NEMP2: variants seen among roughly 807,000 people sequenced by gnomAD.
The protein encoded by NEMP2 is nuclear envelope integral membrane protein 2.
NEMP2 carries 53 observed loss-of-function variants against 54.2 expected under a neutral mutation model. The observed-to-expected ratio is 0.98, with a 90% CI of 0.78 to 1.23. The LOEUF is 1.23. Ranked by LOEUF, NEMP2 falls within the 50% of genes most tolerant of loss-of-function variation. The pLI is 0.00. For synonymous variants in NEMP2, 197 were observed against 190.3 expected, an observed-to-expected ratio of 1.04 and a Z score of -0.29; for missense variants, 455 against 511.3, an observed-to-expected ratio of 0.89 and a Z score of 1.06.
At chr2:190,437,070 C>G in the NEMP2 span, 1 of 1,614,130 alleles carries the variant, frequency 6.2e-7, no homozygotes, top group Non-Finnish European at 8.5e-7. The surrounding 1 kb of genome is among the most constrained non-coding windows in gnomAD (Gnocchi z 5.9). Flanking sequence ...TCGGGATCGA[C>G]TACACCCACA....
At chr2:190,540,452 A>G in the NEMP2 span, among the ~76,000 whole-genome samples, 11 of 151,920 alleles carry the variant, frequency 7.2e-5, no homozygotes, top group African/African-American at 2.7e-4. Flanking sequence ...CCCAGATAAT[A>G]TATTTTACTT....
the NEMP2 span, among the ~76,000 whole-genome samples, chr2:190,479,913 A>G: frequency 6.6e-6 from 1 of 152,172 alleles, no homozygotes; most frequent in East Asian, 1.9e-4. Context: ...ATAAAGCGTT[A>G]TTCTGTTTGT....
chr2:190,544,369 T>C, the NEMP2 span, among the ~76,000 whole-genome samples: 2 of 152,164 alleles, frequency 1.3e-5, no homozygotes, highest in African/African-American at 4.8e-5. Flanking sequence ...AGAATAAATA[T>C]AATTTATTAA....
chr2:190,623,156 G>GA, the NEMP2 span, among the ~76,000 whole-genome samples: 1 of 152,040 alleles, frequency 6.6e-6, no homozygotes, highest in Non-Finnish European at 1.5e-5. Flanking sequence ...AAGTACTTAT[G>GA]AAAAAATTGA....
chr2:190,484,305 A>G, the NEMP2 span, among the ~76,000 whole-genome samples: 1 of 152,194 alleles, frequency 6.6e-6, no homozygotes, highest in African/African-American at 2.4e-5. Flanking sequence ...TTGTAATTCT[A>G]GTGTAAACAC....
chr2:190,560,648 C>T, the NEMP2 span, among the ~76,000 whole-genome samples: 1 of 152,174 alleles, frequency 6.6e-6, no homozygotes, highest in Non-Finnish European at 1.5e-5. The surrounding 1 kb of genome is among the most constrained non-coding windows in gnomAD (Gnocchi z 5.4). Flanking sequence ...TTTACCTCAA[C>T]AAATATTTAT....
At chr2:190,437,331 C>T in the NEMP2 span, 2 of 1,614,248 alleles carry the variant, frequency 1.2e-6, no homozygotes, top group Non-Finnish European at 1.7e-6. The surrounding 1 kb of genome is among the most constrained non-coding windows in gnomAD (Gnocchi z 5.9). Flanking sequence ...AGGCCTTCAA[C>T]TTTTGGGACT....
At chr2:190,535,339 A>G (rs1404592824), upstream of NEMP2, among the ~76,000 whole-genome samples, 2 of 152,202 alleles carry the variant, frequency 1.3e-5, no homozygotes, top group Non-Finnish European at 2.9e-5. Context: ...GGCTCGTAAA[A>G]TGTTCCTTCA....
chr2:190,518,731 C>T lies in NEMP2; in HGVS notation c.518+5G>A, dbSNP rs1395962610. ...AAAGTTAAAAATATAAAAAGGAATA[C>T]TTACTGACTCAGGGTCCTTGCATAA... On this transcript the variant is annotated splice_donor_5th_base_variant and intron_variant, in intron 4 of 8. Transcript: ENST00000409150. 1 of 1,526,270 alleles carries T rather than the reference C, an allele frequency of 6.6e-7. No individual in the cohort carries two copies. Among genetic ancestry groups the T allele is most frequent in the East Asian group, 2.5e-5 (1 of 40,716 alleles). The allele number at this position is 1,526,270 out of a possible 1,614,324, so 94.5% of individuals were successfully genotyped here. A position where few individuals can be genotyped will look rare whatever the true frequency, so the allele number is the denominator to read the frequency against.
the NEMP2 span, among the ~76,000 whole-genome samples, chr2:190,554,149 C>A: frequency 6.6e-6 from 1 of 152,196 alleles, no homozygotes; most frequent in Admixed American, 6.5e-5. This position sits in a 1 kb window ranked among gnomAD's most constrained non-coding sequence, Gnocchi z 5.7. Flanking sequence ...TCCCACAGTC[C>A]TCACAACCCA....
chr2:190,647,125 A>G, the NEMP2 span, among the ~76,000 whole-genome samples: 1 of 152,168 alleles, frequency 6.6e-6, no homozygotes, highest in African/African-American at 2.4e-5. Flanking sequence ...ACAATTAGGG[A>G]GACTAAGAGA....
chr2:190,621,601 T>A, the NEMP2 span, among the ~76,000 whole-genome samples: 1 of 152,076 alleles, frequency 6.6e-6, no homozygotes, highest in Non-Finnish European at 1.5e-5. Context: ...CTTTGGGTTT[T>A]TTTTTTTGCA....
chr2:190,634,354 C>T, the NEMP2 span, among the ~76,000 whole-genome samples: 1 of 152,062 alleles, frequency 6.6e-6, no homozygotes, highest in East Asian at 1.9e-4. The surrounding 1 kb of genome is among the most constrained non-coding windows in gnomAD (Gnocchi z 6.8). Context: ...TTTATTTTAA[C>T]CATATTACAT....
chr2:190,508,021 C>T lies in NEMP2; in HGVS notation c.*1168G>A, dbSNP rs1054420145. ...TGGCCTTCTTTCCTCAGGGTCAAAG[C>T]TCATAGCCCCTCATTTCAATCTGGA... On this transcript the variant is annotated 3_prime_UTR_variant, in exon 9 of 9. Coordinates refer to ENST00000409150, the MANE Select transcript of NEMP2 (RefSeq NM_001142645.2). The surrounding 1 kb of genome is among the most constrained non-coding windows in gnomAD (Gnocchi z 4.3). 6.6e-6 allele frequency: 1 copy of T among 152,160 alleles called. No individual in the cohort carries two copies. Among genetic ancestry groups the T allele is most frequent in the Admixed American group, 6.5e-5 (1 of 15,280 alleles). 9.4% of individuals were successfully genotyped at this position (152,160 alleles called of 1,614,324 possible).
At chr2:190,608,692 T>A in the NEMP2 span, 2 of 152,162 alleles carry the variant, frequency 1.3e-5, no homozygotes, top group Non-Finnish European at 2.9e-5. The surrounding 1 kb of genome is among the most constrained non-coding windows in gnomAD (Gnocchi z 4.9). Context: ...AGGTTTGGAC[T>A]GAAAAATATA....
the NEMP2 span, among the ~76,000 whole-genome samples, chr2:190,434,786 T>A: frequency 2.6e-5 from 4 of 152,272 alleles, no homozygotes; most frequent in South Asian, 8.3e-4. The surrounding 1 kb of genome is among the most constrained non-coding windows in gnomAD (Gnocchi z 4.3). Context: ...TGTGTTATTT[T>A]TCAGTTTAGT....
At chr2:190,469,483 G>T in the NEMP2 span, 6 of 170,808 alleles carry the variant, frequency 3.5e-5, no homozygotes, top group Admixed American at 6.3e-5. This position sits in a 1 kb window ranked among gnomAD's most constrained non-coding sequence, Gnocchi z 5.3. Context: ...TTTCAGGAAG[G>T]GTGATGTTCA....
chr2:190,446,920 A>T, the NEMP2 span, among the ~76,000 whole-genome samples: 5 of 152,176 alleles, frequency 3.3e-5, no homozygotes, highest in Non-Finnish European at 7.4e-5. Context: ...GATTCTGAGG[A>T]TCTCTCCCAG....
At chr2:190,559,024 G>A in the NEMP2 span, among the ~76,000 whole-genome samples, 1 of 152,164 alleles carries the variant, frequency 6.6e-6, no homozygotes, top group African/African-American at 2.4e-5. The surrounding 1 kb of genome is among the most constrained non-coding windows in gnomAD (Gnocchi z 4.0). Context: ...ACTTCACAAT[G>A]TTTTCTTACT....
Sources: gnomAD v4.1 joint callset for allele counts (sites outside exome capture counted in the v4.1 genomes callset) on GRCh38, gnomAD v4.1.1 for gene constraint, Gnocchi (gnomAD v3.1) non-coding constraint, MANE v1.5 for transcripts, NCBI Gene and HGNC (gene_info 2026-07-23, HGNC 2026-07-21) for gene names.